COL19A1: variants seen among roughly 807,000 people sequenced by gnomAD.
COL19A1 encodes the protein collagen alpha-1(XIX) chain.
Under a neutral mutation model 190.2 loss-of-function variants are expected in COL19A1, and 159 were observed. That is an observed-to-expected ratio of 0.84 (90% confidence interval 0.73 to 0.95). The LOEUF (loss-of-function observed/expected upper bound fraction) is 0.95, where lower values mean the gene tolerates loss of function less well. Ranked by LOEUF, COL19A1 falls within the 40% of genes least tolerant of loss-of-function variation. COL19A1 has a pLI of 0.00. For synonymous variants in COL19A1, 509 were observed against 458.9 expected (o/e 1.11, Z -1.39); for missense variants, 1,418 against 1,431.9 (o/e 0.99, Z 0.16).
Position 70,042,184 on chromosome 6 carries a change from G to A in COL19A1, c.1170+6245G>A, listed in dbSNP as rs142576247. On this transcript the variant is annotated intron_variant, in intron 14 of 50. Coordinates refer to ENST00000620364, the MANE Select transcript of COL19A1 (RefSeq NM_001858.6). ...ATGCAGCCCAGTGTAAGATAATAGA[G>A]TGTGCTTGGGGTTAGGGACCAGGAT... Among the ~76,000 whole-genome samples the A allele has an allele frequency of 2.8e-3, 433 of 152,312 alleles. 5 individuals carry two copies. The highest frequency in any genetic ancestry group is 9.8e-3 in the African/African-American group (408 of 41,578).
intron 15 of COL19A1, among the ~76,000 whole-genome samples, chr6:70,094,628 T>G (rs1783130330): frequency 6.6e-6 from 1 of 152,190 alleles, no homozygotes; most frequent in Non-Finnish European, 1.5e-5. Flanking sequence ...ATTTGCATTC[T>G]TCTCTTCTTA....
intron 15 of COL19A1, among the ~76,000 whole-genome samples, chr6:70,070,776 T>C (rs1781499307): frequency 6.6e-6 from 1 of 152,130 alleles, no homozygotes. Context: ...TGCCTGTGTA[T>C]ATACATATGT....
At chr6:69,881,777 C>T (rs1026738339) in intron 2 of COL19A1, among the ~76,000 whole-genome samples, 2 of 152,114 alleles carry the variant, frequency 1.3e-5, no homozygotes, top group African/African-American at 2.4e-5. Context: ...AGAGGGTGTT[C>T]GTAAAGCAAC....
chr6:69,874,252 T>G (rs1251827469), intron 1 of COL19A1, among the ~76,000 whole-genome samples: 1 of 152,196 alleles, frequency 6.6e-6, no homozygotes, highest in African/African-American at 2.4e-5. Flanking sequence ...CAAGGCAAAC[T>G]TTGCCCTTGT....
chr6:70,101,836 A>G lies in COL19A1; in HGVS notation c.1225-333A>G, dbSNP rs918605893. ...AGATGACAGATGTACTTGTTATTGC[A>G]TCCGAAACCACAGAATCATCAGATA... On this transcript the variant is annotated intron_variant, in intron 15 of 50. Transcript: ENST00000620364. 1.2e-4 allele frequency among the ~76,000 whole-genome samples: 18 copies of G among 152,178 alleles called. No individual in the cohort carries two copies. The East Asian group carries it at 1.3e-3, about 11-fold the overall frequency.
At chr6:69,898,153 A>G (rs1434166352) in intron 2 of COL19A1, among the ~76,000 whole-genome samples, 1 of 152,206 alleles carries the variant, frequency 6.6e-6, no homozygotes, top group Non-Finnish European at 1.5e-5. Flanking sequence ...CAAAATATTT[A>G]ATCAATTTAG....
At chr6:70,098,589 A>C (rs936495569) in intron 15 of COL19A1, 3 of 423,720 alleles carry the variant, frequency 7.1e-6, no homozygotes, top group South Asian at 2.0e-5. Context: ...CCACAGGATG[A>C]CTTCTGAAGG....
At chr6:69,952,471 C>T (rs1421594762) in intron 9 of COL19A1, among the ~76,000 whole-genome samples, 1 of 151,080 alleles carries the variant, frequency 6.6e-6, no homozygotes, top group East Asian at 1.9e-4. Context: ...TAACTTAGTA[C>T]CATGGCTTTA....
intron 15 of COL19A1, among the ~76,000 whole-genome samples, chr6:70,099,643 A>G (rs529099409): frequency 4.1e-4 from 62 of 152,308 alleles, no homozygotes; most frequent in African/African-American, 1.4e-3. Flanking sequence ...CAAAAAGGTA[A>G]CTGCACTGCT....
intron 30 of COL19A1, 98 bp downstream of exon 30, chr6:70,150,143 C>T (rs1786957792): frequency 8.4e-7 from 1 of 1,187,200 alleles, no homozygotes; most frequent in Non-Finnish European, 1.3e-6. Context: ...AATTAGAATG[C>T]TCGGTGACTG....
chr6:69,956,046 T>G (rs938922652), intron 9 of COL19A1, among the ~76,000 whole-genome samples: 1 of 152,028 alleles, frequency 6.6e-6, no homozygotes, highest in Admixed American at 6.6e-5. Context: ...AATTTATATT[T>G]GTCCTTAAAT....
chr6:70,169,150 T>C (rs896416682), intron 40 of COL19A1, among the ~76,000 whole-genome samples: 1 of 152,182 alleles, frequency 6.6e-6, no homozygotes, highest in Admixed American at 6.5e-5. Flanking sequence ...GTCATAAGGC[T>C]GCTTATTAGG....
At chr6:69,916,431 A>AT (rs1004582052) in intron 4 of COL19A1, among the ~76,000 whole-genome samples, 1 of 152,186 alleles carries the variant, frequency 6.6e-6, no homozygotes, top group African/African-American at 2.4e-5. Flanking sequence ...AATATTCCTG[A>AT]TTTTTTTTCA....
rs751237186 is a variant in COL19A1, at chr6:70,121,830, T to G, written c.1279-50T>G. ...CTTAGATATGTTATTTAAATATTCA[T>G]TGTTTTGGTAAATGTGTATATATTT... On this transcript the variant is annotated intron_variant, in intron 16 of 50. Coordinates refer to ENST00000620364, the MANE Select transcript of COL19A1 (RefSeq NM_001858.6). 7 of 1,137,080 alleles carry G rather than the reference T, an allele frequency of 6.2e-6. No individual in the cohort carries two copies. In the East Asian group the frequency reaches 1.5e-4, roughly 24 times the overall value. 70.4% of individuals were successfully genotyped at this position (1,137,080 alleles called of 1,614,324 possible). A position where few individuals can be genotyped will look rare whatever the true frequency, so the allele number is the denominator to read the frequency against.
At chr6:70,151,531 G>A in intron 31 of COL19A1, 93 bp downstream of exon 31, 1 of 1,222,546 alleles carries the variant, frequency 8.2e-7, no homozygotes, top group Non-Finnish European at 1.2e-6. Flanking sequence ...TTGCTTAGCT[G>A]GAACTAAAAT....
At chr6:70,195,082 A>T (rs1271063773) in intron 48 of COL19A1, among the ~76,000 whole-genome samples, 1 of 149,110 alleles carries the variant, frequency 6.7e-6, no homozygotes, top group Admixed American at 6.7e-5. Flanking sequence ...ATTTTTATGT[A>T]TGTATATATG....
At chr6:69,905,074 A>G (rs910883399) in intron 4 of COL19A1, among the ~76,000 whole-genome samples, 4 of 152,086 alleles carry the variant, frequency 2.6e-5, no homozygotes, top group Non-Finnish European at 4.4e-5. Flanking sequence ...GACACCAGGT[A>G]CCACAGCCCA....
intron 2 of COL19A1, among the ~76,000 whole-genome samples, chr6:69,885,511 T>A (rs978393855): frequency 1.3e-5 from 2 of 152,162 alleles, no homozygotes; most frequent in African/African-American, 4.8e-5. Context: ...TTAATGAAAA[T>A]CTCAAATGCA....
In COL19A1 at chr6:69,920,900, A is replaced by G. The variant is rs188967679; in HGVS notation, c.267-7009A>G. On this transcript the variant is annotated intron_variant, in intron 4 of 50. Transcript: ENST00000620364. ...TCCCATTGAGAATTTCTAGTCATAT[A>G]TATATATTCATCTATATATTCATAT... 4.8e-3 allele frequency among the ~76,000 whole-genome samples: 654 copies of G among 136,416 alleles called. 4 individuals carry two copies. Among genetic ancestry groups the G allele is most frequent in the Middle Eastern group, 0.011 (3 of 268 alleles). The allele number at this position is 136,416 out of a possible 152,430, so 89.5% of individuals were successfully genotyped here. A position where few individuals can be genotyped will look rare whatever the true frequency, so the allele number is the denominator to read the frequency against.
Sources: allele counts gnomAD v4.1 joint callset (sites outside exome capture counted in the v4.1 genomes callset), GRCh38; gene constraint gnomAD v4.1.1; transcripts MANE v1.5; gene names NCBI Gene and HGNC (gene_info 2026-07-23, HGNC 2026-07-21).